The following FARSA variants were observed in gnomAD, a reference collection of about 807,000 sequenced individuals.
FARSA encodes phenylalanine--tRNA ligase alpha subunit.
Under a neutral mutation model 63.2 loss-of-function variants are expected in FARSA, and 37 were observed. That is an observed-to-expected ratio of 0.59 (90% confidence interval 0.45 to 0.77). FARSA has a LOEUF of 0.77. Among genes scored for constraint, FARSA ranks in the 30% least tolerant of loss-of-function variants. FARSA has a pLI of 0.00. For synonymous variants in FARSA, 312 were observed against 285.1 expected (o/e 1.09, Z -0.95); for missense variants, 618 against 696.6 (o/e 0.89, Z 1.27).
At chr19:12,923,582 C>G (rs939187444) in intron 12 of FARSA, among the ~76,000 whole-genome samples, 3 of 152,146 alleles carry the variant, frequency 2.0e-5, no homozygotes, top group Non-Finnish European at 4.4e-5. Context: ...TGGGTTCAAA[C>G]GATTCTCCTG....
At chr19:12,926,902 T>G (rs1300833139) in intron 7 of FARSA, among the ~76,000 whole-genome samples, 1 of 152,162 alleles carries the variant, frequency 6.6e-6, no homozygotes, top group Non-Finnish European at 1.5e-5. Context: ...GCAGGAAGAT[T>G]AGAATAGTGG....
chr19:12,926,999 C>T (rs749133101), intron 7 of FARSA, among the ~76,000 whole-genome samples: 1 of 152,228 alleles, frequency 6.6e-6, no homozygotes, highest in African/African-American at 2.4e-5. Context: ...GGTAAGCCGG[C>T]ACCCAATGAC....
chr19:12,928,711 C>T, intron 5 of FARSA, 44 bp downstream of exon 5: 1 of 1,614,002 alleles, frequency 6.2e-7, no homozygotes, highest in Non-Finnish European at 8.5e-7. Context: ...CCCCTGCCCC[C>T]TGCCCCAGCT....
Position 12,928,636 on chromosome 19 carries a change from C to T in FARSA, c.624G>A (p.Lys208=), listed in dbSNP as rs772053611. Residue 208 remains lysine, a synonymous_variant, in exon 6 of 13, where the codon AAG becomes AAA. Transcript: ENST00000314606. ...SSGSWRDRPF[K]PYNFLAHGVL... Reference sequence around the variant, plus strand: ...CACCGTGGGCCAAGAAGTTGTAGGGCTTGAAGGGCCGGTCCCGCCAAGAGC... The same window carrying T: ...CACCGTGGGCCAAGAAGTTGTAGGGTTTGAAGGGCCGGTCCCGCCAAGAGC... The T allele has an allele frequency of 6.2e-7, 1 of 1,610,652 alleles. No homozygotes were observed. Among genetic ancestry groups the T allele is most frequent in the Non-Finnish European group, 8.5e-7 (1 of 1,178,392 alleles).
At chr19:12,923,322 G>T (rs1413795735) in intron 12 of FARSA, among the ~76,000 whole-genome samples, 1 of 152,096 alleles carries the variant, frequency 6.6e-6, no homozygotes, top group Non-Finnish European at 1.5e-5. Context: ...TTGAAACAGA[G>T]TCTCACTCTG....
rs768089151 is a variant in FARSA at position 12,924,179 on chromosome 19, C to T, written c.1360G>A (p.Val454Ile). ...LPMGLPENVS[V>I]IAWGLSLERP... ...TCCAGGGAGAGGCCCCAGGCAATGACCGACACGTTCTCGGGAAGCCCCATG... is the reference window on the plus strand; with the variant it reads ...TCCAGGGAGAGGCCCCAGGCAATGATCGACACGTTCTCGGGAAGCCCCATG... Residue 454 changes from valine (V) to isoleucine (I), a missense_variant, in exon 12 of 13, where the codon GTC becomes ATC. Physicochemically the swap from Val to Ile is conservative, Grantham distance 29 (BLOSUM62 3). Transcript: ENST00000314606. The surrounding 1 kb of genome is among the most constrained non-coding windows in gnomAD (Gnocchi z 6.4). 2.5e-6 allele frequency: 4 copies of T among 1,614,132 alleles called. No homozygotes were observed. In the South Asian group the frequency reaches 4.4e-5, roughly 18 times the overall value.
chr19:12,923,849 C>T (rs549047210), intron 12 of FARSA, among the ~76,000 whole-genome samples: 2 of 152,198 alleles, frequency 1.3e-5, no homozygotes, highest in East Asian at 1.9e-4. Flanking sequence ...CTGGCTCAGG[C>T]GATCCTCCTG....
chr19:12,933,631 G>C lies in FARSA; in HGVS notation c.66C>G (p.Asp22Glu). The C allele has an allele frequency of 6.4e-7, 1 of 1,560,986 alleles. No individual in the cohort carries two copies. The highest frequency in any genetic ancestry group is 8.6e-7 in the Non-Finnish European group (1 of 1,157,004). Residue 22 changes from aspartate (D) to glutamate (E), a missense_variant, in exon 1 of 13, where the codon GAC becomes GAG. Coordinates refer to ENST00000314606, the MANE Select transcript of FARSA (RefSeq NM_004461.3). The part of the protein sequence containing the change: ...RRLEASDGGL[D>E]SAELAAELGM... ...CCAGCTCAGCCGCCAACTCGGCGCT[G>C]TCCAGGCCGCCATCAGACGCCTCCA...
intron 7 of FARSA, among the ~76,000 whole-genome samples, chr19:12,926,357 C>T (rs1220733189): frequency 6.6e-6 from 1 of 151,108 alleles, no homozygotes; most frequent in Non-Finnish European, 1.5e-5. Context: ...CTGCCAGCTC[C>T]GCCTCCAGGG....
rs140193183 is a variant in FARSA at position 12,924,708 on chromosome 19, C to T, written c.1126G>A (p.Val376Met). The T allele has an allele frequency of 7.5e-6, 12 of 1,595,178 alleles. No homozygotes were observed. Among genetic ancestry groups the T allele is most frequent in the Admixed American group, 3.4e-5 (2 of 59,090 alleles). Residue 376 changes from valine to methionine, a missense_variant, in exon 10 of 13, where the codon GTG (valine) becomes ATG (methionine). Coordinates refer to ENST00000314606, the MANE Select transcript of FARSA (RefSeq NM_004461.3). This position sits in a 1 kb window ranked among gnomAD's most constrained non-coding sequence, Gnocchi z 6.4. Reference sequence around the variant, plus strand: ...AAGGTGAGACCATGATCCGCCACCACGCCCTCGATCTGGTGGAACTCAGCC... The same window carrying T: ...AAGGTGAGACCATGATCCGCCACCATGCCCTCGATCTGGTGGAACTCAGCC... ...HLAEFHQIEG[V>M]VADHGLTLGH...
intron 7 of FARSA, among the ~76,000 whole-genome samples, chr19:12,926,793 C>G (rs1043379267): frequency 3.3e-5 from 5 of 152,200 alleles, no homozygotes; most frequent in African/African-American, 1.2e-4. Flanking sequence ...TCAAGCGATC[C>G]TCCTCCCTTG....
intron 12 of FARSA, among the ~76,000 whole-genome samples, chr19:12,923,426 C>CCTAGGA (rs1229342466): frequency 6.6e-6 from 1 of 152,036 alleles, no homozygotes; most frequent in Non-Finnish European, 1.5e-5. Context: ...CTCCTGAGTA[C>CCTAGGA]CTAGGACTAG....
chr19:12,930,184 G>A (rs765577009), intron 4 of FARSA, 39 bp downstream of exon 4: 16 of 1,507,108 alleles, frequency 1.1e-5, no homozygotes, highest in Non-Finnish European at 1.4e-5. Context: ...ATGCTTCGCA[G>A]GTGGTGGGGG....
In FARSA at chr19:12,924,467, C is replaced by A. The variant is rs780357152; in HGVS notation, c.1255G>T (p.Val419Leu). ...YNPYTEPSME[V>L]FSYHQGLKKW... ...CCCTGACCTTGGTGGTAGCTGAACA[C>A]CTCCATGCTGGGCTCTGTGTATGGG... Residue 419 changes from valine to leucine, a missense_variant, in exon 11 of 13, where the codon GTG (valine) becomes TTG (leucine). By Grantham distance (32) the Val-to-Leu change is conservative. Transcript: ENST00000314606. This position sits in a 1 kb window ranked among gnomAD's most constrained non-coding sequence, Gnocchi z 6.4. The A allele has an allele frequency of 6.2e-6, 10 of 1,613,468 alleles. 1 individual carries two copies. Among genetic ancestry groups the A allele is most frequent in the Non-Finnish European group, 7.6e-6 (9 of 1,180,020 alleles).
rs1273579085 is a variant in FARSA at position 12,928,637 on chromosome 19, T to C, written c.623A>G (p.Lys208Arg). ...SSGSWRDRPF[K>R]PYNFLAHGVL... ...ACCGTGGGCCAAGAAGTTGTAGGGC[T>C]TGAAGGGCCGGTCCCGCCAAGAGCC... is the stretch of plus-strand genomic sequence containing the variant. Residue 208 changes from lysine (K) to arginine (R), a missense_variant, in exon 6 of 13, where the codon AAG becomes AGG. Physicochemically the swap from Lys to Arg is conservative, Grantham distance 26. Transcript: ENST00000314606. The C allele has an allele frequency of 6.2e-7, 1 of 1,611,030 alleles. No homozygotes were observed. The highest frequency in any genetic ancestry group is 2.2e-5 in the East Asian group (1 of 44,780).
In FARSA at chr19:12,922,550, A is replaced by T; in HGVS notation, c.*198T>A. The T allele has an allele frequency of 3.1e-6, 2 of 649,732 alleles. No homozygotes were observed. The highest frequency in any genetic ancestry group is 3.9e-5 in the South Asian group (2 of 50,890). The allele number at this position is 649,732 out of a possible 1,614,324, so 40.2% of individuals were successfully genotyped here. A position where few individuals can be genotyped will look rare whatever the true frequency, so the allele number is the denominator to read the frequency against. On this transcript the variant is annotated 3_prime_UTR_variant, in exon 13 of 13. Coordinates refer to ENST00000314606, the MANE Select transcript of FARSA (RefSeq NM_004461.3). ...TCCTCAGGGCCCACCCTCACAGTAG[A>T]CACACCACACAGGACAACAGAAGGA...
chr19:12,924,867 C>A lies in FARSA; in HGVS notation c.1026+37G>T. ...GTCAGAAGGTCCCTTTGACAGCACCCTCTCCCCACTGGGGCCCCCGCCTGG... is the reference window on the plus strand; with the variant it reads ...GTCAGAAGGTCCCTTTGACAGCACCATCTCCCCACTGGGGCCCCCGCCTGG... On this transcript the variant is annotated intron_variant, in intron 9 of 12. Transcript: ENST00000314606. The surrounding 1 kb of genome is among the most constrained non-coding windows in gnomAD (Gnocchi z 6.4). The A allele has an allele frequency of 6.2e-7, 1 of 1,613,980 alleles. No homozygotes were observed. Among genetic ancestry groups the A allele is most frequent in the Non-Finnish European group, 8.5e-7 (1 of 1,179,860 alleles).
In FARSA at chr19:12,930,446, G is replaced by T; in HGVS notation, c.367C>A (p.Pro123Thr). The T allele has an allele frequency of 1.2e-6, 2 of 1,614,128 alleles. No individual in the cohort carries two copies. Among genetic ancestry groups the T allele is most frequent in the Non-Finnish European group, 1.7e-6 (2 of 1,179,988 alleles). Residue 123 changes from proline to threonine, a missense_variant, in exon 3 of 13, where the codon CCC becomes ACC. Physicochemically the swap from Pro to Thr is conservative, Grantham distance 38. Transcript: ENST00000314606. ...IRVDKSAADGPRVFRVVDSME... is the reference protein window; with the variant it reads ...IRVDKSAADGTRVFRVVDSME... Reference sequence around the variant, plus strand: ...GAACGCACCACTCGGAACACCCGGGGCCCGTCAGCCGCACTCTTGTCCACC... The same window carrying T: ...GAACGCACCACTCGGAACACCCGGGTCCCGTCAGCCGCACTCTTGTCCACC...
rs140193183 is a variant in FARSA, at chr19:12,924,708, C to A, written c.1126G>T (p.Val376Leu). Residue 376 changes from valine to leucine, a missense_variant, in exon 10 of 13, where the codon GTG becomes TTG. Physicochemically the swap from Val to Leu is conservative, Grantham distance 32. Transcript: ENST00000314606. This position sits in a 1 kb window ranked among gnomAD's most constrained non-coding sequence, Gnocchi z 6.4. ...HLAEFHQIEG[V>L]VADHGLTLGH... ...AAGGTGAGACCATGATCCGCCACCA[C>A]GCCCTCGATCTGGTGGAACTCAGCC... 2,767 of 1,595,294 alleles carry A rather than the reference C, an allele frequency of 1.7e-3. 47 individuals are homozygous for A. In the Admixed American group the frequency reaches 0.026, roughly 15 times the overall value.
Sources: allele counts gnomAD v4.1 joint callset (sites outside exome capture counted in the v4.1 genomes callset), GRCh38; gene constraint gnomAD v4.1.1; non-coding constraint Gnocchi (gnomAD v3.1); transcripts MANE v1.5; gene names NCBI Gene and HGNC (gene_info 2026-07-23, HGNC 2026-07-21).